RYR1: variants seen among roughly 807,000 people sequenced by gnomAD.
The protein encoded by RYR1 is central core disease of muscle.
In RYR1, 342 loss-of-function variants were observed where a neutral mutation model predicts 583.5. The ratio of observed to expected loss-of-function variants is 0.59; its 90% CI spans 0.54 to 0.64. The LOEUF (loss-of-function observed/expected upper bound fraction) is 0.64, where lower values mean the gene tolerates loss of function less well. Among genes scored for constraint, RYR1 ranks in the 30% least tolerant of loss-of-function variants. RYR1 has a pLI of 0.00. For synonymous variants in RYR1, 2,791 were observed against 2,822.5 expected (o/e 0.99, Z 0.35); for missense variants, 6,032 against 6,917.2 (o/e 0.87, Z 4.54).
chr19:38,574,124 G>GT (rs1402363672), intron 96 of RYR1, among the ~76,000 whole-genome samples: 1 of 151,988 alleles, frequency 6.6e-6, no homozygotes, highest in Non-Finnish European at 1.5e-5. Flanking sequence ...AGTAGGCATG[G>GT]TGGTGGGTGC....
chr19:38,502,276 C>G (rs1389753679), intron 47 of RYR1, among the ~76,000 whole-genome samples: 1 of 151,376 alleles, frequency 6.6e-6, no homozygotes, highest in African/African-American at 2.4e-5. Flanking sequence ...TCTCATCGAC[C>G]AGTTGTGTGT....
chr19:38,466,505 T>A, intron 24 of RYR1, 107 bp downstream of exon 24: 3 of 856,056 alleles, frequency 3.5e-6, no homozygotes, highest in Admixed American at 3.4e-5. Flanking sequence ...CTATATCTTT[T>A]TTTTTTTTTT....
At position 38,486,165 on chromosome 19, in the gene RYR1, A is replaced by G; in HGVS notation, c.5510A>G (p.Gln1837Arg). Residue 1837 changes from glutamine (Q) to arginine (R), a missense_variant, in exon 34 of 106, where the codon CAG becomes CGG. Coordinates refer to ENST00000359596, the MANE Select transcript of RYR1 (RefSeq NM_000540.3). ...CCCGTCGGGGGCTCCGTGGAGTTCC[A>G]GTTTGTGCCTGTGCTCAAGCTCGTG... ...RDPVGGSVEF[Q>R]FVPVLKLVST... The G allele has an allele frequency of 6.2e-7, 1 of 1,613,012 alleles. No homozygotes were observed. The highest frequency in any genetic ancestry group is 8.5e-7 in the Non-Finnish European group (1 of 1,179,928).
rs547032499 is a variant in RYR1 at position 38,567,109 on chromosome 19, C to T, written c.13514+122C>T. ...CCCTGTGTCCTCGGCATCACCCAGC[C>T]CAGACTCAGGCACGGAGGAGGGGCT... On this transcript the variant is annotated intron_variant, in intron 92 of 105. Coordinates refer to ENST00000359596, the MANE Select transcript of RYR1 (RefSeq NM_000540.3). 8 of 1,492,322 alleles carry T rather than the reference C, an allele frequency of 5.4e-6. No individual in the cohort carries two copies. The South Asian group carries it at 9.7e-5, about 18-fold the overall frequency. The allele number at this position is 1,492,322 out of a possible 1,614,324, so 92.4% of individuals were successfully genotyped here. A position where few individuals can be genotyped will look rare whatever the true frequency, so the allele number is the denominator to read the frequency against.
rs777605851 is a variant in RYR1, at chr19:38,457,467, C to T, written c.1792-30C>T. The stretch of plus-strand genomic sequence containing the variant: ...TGTAGATCCTGCCCTGGTGCCTACA[C>T]ACCCTTTAACCTCTGACCTTGACCT... On this transcript the variant is annotated intron_variant, in intron 16 of 105. Coordinates refer to ENST00000359596, the MANE Select transcript of RYR1 (RefSeq NM_000540.3). 1.1e-5 allele frequency: 18 copies of T among 1,614,138 alleles called. 2 individuals carry two copies. In the South Asian group the frequency reaches 1.8e-4, roughly 16 times the overall value.
chr19:38,576,829 G>C (rs1973975980), intron 97 of RYR1, among the ~76,000 whole-genome samples: 3 of 152,106 alleles, frequency 2.0e-5, no homozygotes, highest in Non-Finnish European at 4.4e-5. Context: ...AGTTGAAAGA[G>C]AGGAAGTTAG....
intron 37 of RYR1, among the ~76,000 whole-genome samples, chr19:38,491,855 A>C (rs1275858870): frequency 1.3e-5 from 2 of 151,960 alleles, no homozygotes; most frequent in Admixed American, 6.6e-5. Flanking sequence ...ATAATTTTTT[A>C]TTTCAGTTAT....
intron 84 of RYR1, among the ~76,000 whole-genome samples, chr19:38,540,382 C>A (rs1311256440): frequency 1.4e-5 from 2 of 143,500 alleles, no homozygotes; most frequent in Non-Finnish European, 3.0e-5. Context: ...AATAAACCTC[C>A]AATCATATAC....
chr19:38,514,244 A>G (rs1970851678), intron 63 of RYR1, among the ~76,000 whole-genome samples: 1 of 151,590 alleles, frequency 6.6e-6, no homozygotes, highest in South Asian at 2.1e-4. Flanking sequence ...AGCCTGGGCA[A>G]CATACTGAGA....
Position 38,477,850 on chromosome 19 carries a change from A to G in RYR1, c.4434A>G (p.Glu1478=). ...TCGTGACGGTGACCATGGGGGATGA[A>G]CAAGGCAACGTCCACAGCAGGTGCC... ...VRVVTVTMGD[E]QGNVHSSLKC... is the part of the protein sequence containing the mutation. Residue 1478 remains glutamate, a synonymous_variant, in exon 30 of 106, where the codon GAA becomes GAG. Coordinates refer to ENST00000359596, the MANE Select transcript of RYR1 (RefSeq NM_000540.3). 6.2e-7 allele frequency: 1 copy of G among 1,609,244 alleles called. No individual in the cohort carries two copies.
chr19:38,497,902 G>A (rs780660004), intron 42 of RYR1, among the ~76,000 whole-genome samples: 13 of 151,982 alleles, frequency 8.6e-5, no homozygotes, highest in East Asian at 1.9e-4. Flanking sequence ...TAGAGCCTGC[G>A]AGGCTGAGGC....
intron 61 of RYR1, 139 bp from the exon 62 acceptor site, chr19:38,511,933 G>T (rs1025341852): frequency 9.7e-7 from 1 of 1,028,654 alleles, no homozygotes; most frequent in Non-Finnish European, 1.5e-6. Flanking sequence ...TAGGAGTCTG[G>T]GGGGGTGGGG....
chr19:38,445,986 T>C (rs986906168), intron 7 of RYR1, among the ~76,000 whole-genome samples: 1 of 151,968 alleles, frequency 6.6e-6, no homozygotes, highest in Non-Finnish European at 1.5e-5. Context: ...AACTCTGTCT[T>C]AAAAACAAAA....
chr19:38,476,678 G>C (rs955288850), intron 29 of RYR1, among the ~76,000 whole-genome samples: 2 of 152,160 alleles, frequency 1.3e-5, no homozygotes, highest in African/African-American at 4.8e-5. Context: ...TTGGATCCCA[G>C]TACCAGCCCA....
intron 70 of RYR1, among the ~76,000 whole-genome samples, chr19:38,524,876 G>A (rs995667887): frequency 3.3e-5 from 5 of 152,094 alleles, no homozygotes; most frequent in African/African-American, 1.2e-4. Flanking sequence ...GGGTTCCTAG[G>A]GGATTCTGGA....
intron 88 of RYR1, 63 bp downstream of exon 88, chr19:38,546,589 C>A: frequency 7.5e-7 from 1 of 1,332,812 alleles, no homozygotes; most frequent in Non-Finnish European, 1.1e-6. Flanking sequence ...TGAGAATGGC[C>A]CCCTGAGACC....
chr19:38,457,114 A>C (rs140729088), intron 16 of RYR1, among the ~76,000 whole-genome samples: 2 of 151,162 alleles, frequency 1.3e-5, no homozygotes, highest in East Asian at 1.9e-4. Flanking sequence ...AGCCTAATAC[A>C]TTTTCCACTT....
At chr19:38,492,430 G>T in intron 37 of RYR1, 60 bp from the exon 38 acceptor site, 2 of 1,551,300 alleles carry the variant, frequency 1.3e-6, no homozygotes, top group African/African-American at 1.4e-5. Flanking sequence ...AAATGAGTGT[G>T]TAAGCAGGTG....
chr19:38,539,906 C>T (rs1176330287), intron 84 of RYR1, among the ~76,000 whole-genome samples: 1 of 133,958 alleles, frequency 7.5e-6, no homozygotes, highest in African/African-American at 2.8e-5. Flanking sequence ...TTTAAATTAA[C>T]ACAATTTAAT....
Sources: allele counts gnomAD v4.1 joint callset (sites outside exome capture counted in the v4.1 genomes callset), GRCh38; gene constraint gnomAD v4.1.1; transcripts MANE v1.5; gene names NCBI Gene and HGNC (gene_info 2026-07-23, HGNC 2026-07-21).